OOSP3: variants seen among roughly 807,000 people sequenced by gnomAD.
OOSP3 encodes oocyte secreted protein family member 3.
chr11:59,891,352 G>C (rs1853310734), intron 2 of OOSP3, among the ~76,000 whole-genome samples: 2 of 152,162 alleles, frequency 1.3e-5, no homozygotes, highest in Admixed American at 1.3e-4. Flanking sequence ...AGGGGAAGAG[G>C]CATTCTGGCT....
intron 2 of OOSP3, among the ~76,000 whole-genome samples, chr11:59,888,454 T>C (rs559914571): frequency 3.3e-4 from 50 of 152,346 alleles, no homozygotes; most frequent in African/African-American, 1.1e-3. Flanking sequence ...ATGGCTCTTA[T>C]GGTTTTGAGG....
chr11:59,886,813 C>T (rs539148037), intron 2 of OOSP3, among the ~76,000 whole-genome samples: 7 of 138,018 alleles, frequency 5.1e-5, no homozygotes, highest in South Asian at 4.6e-4. Flanking sequence ...TTTTTTGATA[C>T]GGAGTCTTGC....
At position 59,895,501 on chromosome 11, in the gene OOSP3, G is replaced by A. The variant is rs1853347453; in HGVS notation, c.351-1G>A. 7.5e-6 allele frequency: 3 copies of A among 398,052 alleles called. No homozygotes were observed. The highest frequency in any genetic ancestry group is 4.4e-5 in the Admixed American group (1 of 22,688). The allele number at this position is 398,052 out of a possible 1,614,324, so 24.7% of individuals were successfully genotyped here. A position where few individuals can be genotyped will look rare whatever the true frequency, so the allele number is the denominator to read the frequency against. On this transcript the variant is annotated splice_acceptor_variant, in intron 3 of 4. Transcript: ENST00000646438. LOFTEE classifies it high-confidence loss of function. Reference sequence around the variant, plus strand: ...AATTGTGTCTTCTTTAAAACTTTCAGCTCATCTTTGGATACCACTTCAAGC... The same window carrying A: ...AATTGTGTCTTCTTTAAAACTTTCAACTCATCTTTGGATACCACTTCAAGC...
intron 2 of OOSP3, among the ~76,000 whole-genome samples, chr11:59,889,365 T>C (rs1175659467): frequency 6.6e-6 from 1 of 152,172 alleles, no homozygotes; most frequent in Non-Finnish European, 1.5e-5. Context: ...CTCTTGTTTC[T>C]CTAGTTCTTT....
At chr11:59,886,397 G>A (rs576561042) in intron 2 of OOSP3, among the ~76,000 whole-genome samples, 5 of 152,288 alleles carry the variant, frequency 3.3e-5, no homozygotes, top group African/African-American at 1.2e-4. Flanking sequence ...ATTCTTTTGG[G>A]TATATACCCA....
intron 2 of OOSP3, among the ~76,000 whole-genome samples, chr11:59,883,083 G>T (rs1823606537): frequency 6.6e-6 from 1 of 152,062 alleles, no homozygotes; most frequent in Non-Finnish European, 1.5e-5. Context: ...GAAATTTCTA[G>T]CTCAAATGGT....
intron 2 of OOSP3, among the ~76,000 whole-genome samples, chr11:59,881,857 C>T (rs988016366): frequency 6.6e-6 from 1 of 152,058 alleles, no homozygotes; most frequent in African/African-American, 2.4e-5. Flanking sequence ...GGCAACAGAG[C>T]AAGACTCCGT....
chr11:59,893,415 C>T (rs944115170), intron 2 of OOSP3, among the ~76,000 whole-genome samples: 1 of 152,078 alleles, frequency 6.6e-6, no homozygotes, highest in Non-Finnish European at 1.5e-5. Context: ...AGTGCAGTGG[C>T]ATGATTACAG....
chr11:59,880,359 A>T (rs1368321858), exon 2 of OOSP3: 4 of 398,446 alleles, frequency 1.0e-5, no homozygotes, highest in Admixed American at 4.4e-5. Flanking sequence ...ATCTCTGGGA[A>T]CTGGCTGTCC....
chr11:59,886,471 T>C (rs780583623), intron 2 of OOSP3, among the ~76,000 whole-genome samples: 127 of 152,338 alleles, frequency 8.3e-4, no homozygotes, highest in Non-Finnish European at 1.7e-3. Context: ...TTCTTTTGAG[T>C]ATATACCCAG....
chr11:59,895,534 A>T (rs1280628332), exon 4 of OOSP3: 1 of 398,354 alleles, frequency 2.5e-6, no homozygotes, highest in Non-Finnish European at 4.4e-6. Flanking sequence ...AGCACTATCC[A>T]TAACAATCTT....
At chr11:59,879,947 C>T (rs1355798080) in intron 1 of OOSP3, among the ~76,000 whole-genome samples, 1 of 152,168 alleles carries the variant, frequency 6.6e-6, no homozygotes, top group Non-Finnish European at 1.5e-5. Flanking sequence ...CAGCTTGAGG[C>T]TCCCCCAATC....
intron 2 of OOSP3, among the ~76,000 whole-genome samples, chr11:59,886,438 T>C (rs1187258309): frequency 6.6e-6 from 1 of 152,236 alleles, no homozygotes; most frequent in Non-Finnish European, 1.5e-5. Flanking sequence ...AATGCATGTA[T>C]CCTTGTAACA....
intron 2 of OOSP3, among the ~76,000 whole-genome samples, chr11:59,884,507 C>A (rs1217639179): frequency 6.8e-6 from 1 of 147,160 alleles, no homozygotes; most frequent in African/African-American, 2.6e-5. Flanking sequence ...CTCTCTCTCT[C>A]TCTCTCTCTC....
intron 2 of OOSP3, among the ~76,000 whole-genome samples, chr11:59,884,375 A>G (rs1289000798): frequency 6.6e-6 from 1 of 150,790 alleles, no homozygotes; most frequent in Non-Finnish European, 1.5e-5. Flanking sequence ...ATTAGTGAGC[A>G]TGCTTATTAG....
intron 2 of OOSP3, among the ~76,000 whole-genome samples, chr11:59,887,597 A>C (rs958881341): frequency 2.4e-4 from 36 of 152,328 alleles, no homozygotes; most frequent in African/African-American, 7.7e-4. Context: ...GTCAAAGATC[A>C]GATGGTTGTA....
At chr11:59,884,198 G>A (rs779758599) in intron 2 of OOSP3, among the ~76,000 whole-genome samples, 4 of 152,262 alleles carry the variant, frequency 2.6e-5, no homozygotes, top group South Asian at 2.1e-4. Flanking sequence ...CACATGTTCC[G>A]GAAGTGAAAA....
intron 2 of OOSP3, among the ~76,000 whole-genome samples, chr11:59,891,854 C>A (rs560098241): frequency 1.3e-5 from 2 of 152,326 alleles, no homozygotes; most frequent in Admixed American, 6.5e-5. Context: ...GGTGGCCCCT[C>A]CCCCCAGGAA....
chr11:59,881,230 G>A (rs1157191515), intron 2 of OOSP3, among the ~76,000 whole-genome samples: 2 of 151,910 alleles, frequency 1.3e-5, no homozygotes, highest in African/African-American at 2.4e-5. Context: ...AGGCATGGTG[G>A]CATGTGCCTG....
Sources: gnomAD v4.1 joint callset for allele counts (sites outside exome capture counted in the v4.1 genomes callset) on GRCh38, gnomAD v4.1.1 for gene constraint, MANE v1.5 for transcripts, NCBI Gene and HGNC (gene_info 2026-07-23, HGNC 2026-07-21) for gene names.